MSRA: variants seen among roughly 807,000 people sequenced by gnomAD.
MSRA encodes mitochondrial peptide methionine sulfoxide reductase.
In MSRA, 54 loss-of-function variants were observed where a neutral mutation model predicts 31.3. That is an observed-to-expected ratio of 1.73 (90% CI 1.39 to 2.17). The LOEUF (loss-of-function observed/expected upper bound fraction) is 2.17, where lower values mean the gene tolerates loss of function less well. Among genes scored for constraint, MSRA ranks in the 30% most tolerant of loss-of-function variants. MSRA has a pLI of 0.00. For synonymous variants in MSRA, 169 were observed against 116.5 expected, an observed-to-expected ratio of 1.45 and a Z score of -2.90; for missense variants, 507 against 300.9, an observed-to-expected ratio of 1.69 and a Z score of -5.07.
At chr8:10,347,740 C>T (rs990933963) in intron 5 of MSRA, among the ~76,000 whole-genome samples, 9 of 152,202 alleles carry the variant, frequency 5.9e-5, no homozygotes, top group Admixed American at 3.9e-4. Context: ...GAAATAATCC[C>T]GTCCATAGTG....
At chr8:10,289,695 TATC>T (rs1201376667) in intron 3 of MSRA, among the ~76,000 whole-genome samples, 8 of 152,306 alleles carry the variant, frequency 5.3e-5, no homozygotes, top group East Asian at 3.9e-4. Flanking sequence ...CCCCTTCTAT[TATC>T]ATGCTCGTAG....
At chr8:10,273,887 A>G (rs1799176498) in intron 3 of MSRA, among the ~76,000 whole-genome samples, 1 of 152,114 alleles carries the variant, frequency 6.6e-6, no homozygotes, top group Non-Finnish European at 1.5e-5. Context: ...GCACCTTCCT[A>G]TCTGCGGATG....
chr8:10,417,393 G>A (rs1460588098), intron 5 of MSRA, among the ~76,000 whole-genome samples: 1 of 147,990 alleles, frequency 6.8e-6, no homozygotes, highest in Non-Finnish European at 1.5e-5. Flanking sequence ...TGGTGTTGAA[G>A]AGAAGCACTC....
chr8:10,312,422 A>G (rs1369612616), intron 4 of MSRA, among the ~76,000 whole-genome samples: 1 of 152,260 alleles, frequency 6.6e-6, no homozygotes, highest in Non-Finnish European at 1.5e-5. Context: ...CATTCTTTAA[A>G]AATATAGTTT....
At chr8:10,190,340 G>C (rs966124193) in intron 1 of MSRA, among the ~76,000 whole-genome samples, 1 of 152,184 alleles carries the variant, frequency 6.6e-6, no homozygotes, top group African/African-American at 2.4e-5. Flanking sequence ...GCCCCTGCCT[G>C]TGCCGCTTCT....
chr8:10,237,539 T>C (rs12680355), intron 2 of MSRA, among the ~76,000 whole-genome samples: 27,048 of 152,172 alleles, frequency 0.18, 2,728 homozygotes, highest in East Asian at 0.43. Context: ...CAAGCTGATA[T>C]TAAAGCTGAA....
chr8:10,158,048 A>T (rs751411587), intron 1 of MSRA, among the ~76,000 whole-genome samples: 1 of 152,180 alleles, frequency 6.6e-6, no homozygotes, highest in Admixed American at 6.5e-5. Flanking sequence ...TTGGTGTCTG[A>T]TGAGGGCACA....
At chr8:10,268,056 C>G (rs34514972) in intron 3 of MSRA, among the ~76,000 whole-genome samples, 29,104 of 152,144 alleles carry the variant, frequency 0.19, 3,684 homozygotes, top group Non-Finnish European at 0.29. Context: ...TCTTCAGGGC[C>G]AAGACCTGTA....
At chr8:10,181,826 G>C (rs971470259) in intron 1 of MSRA, among the ~76,000 whole-genome samples, 3 of 152,198 alleles carry the variant, frequency 2.0e-5, no homozygotes, top group Non-Finnish European at 4.4e-5. Flanking sequence ...TAGTGCTCTG[G>C]AGACCTCACT....
intron 1 of MSRA, among the ~76,000 whole-genome samples, chr8:10,113,036 C>A (rs1398180284): frequency 6.6e-6 from 1 of 152,162 alleles, no homozygotes; most frequent in African/African-American, 2.4e-5. Context: ...TGCATATTCT[C>A]TGTCTGCAGC....
At chr8:10,283,429 T>G (rs1444384441) in intron 3 of MSRA, among the ~76,000 whole-genome samples, 1 of 152,002 alleles carries the variant, frequency 6.6e-6, no homozygotes, top group East Asian at 1.9e-4. Context: ...TCTACTGCTT[T>G]TCTTTTTTAA....
At chr8:10,060,796 TATTC>T (rs1413897889) in intron 1 of MSRA, among the ~76,000 whole-genome samples, 1 of 152,236 alleles carries the variant, frequency 6.6e-6, no homozygotes, top group African/African-American at 2.4e-5. Context: ...ATTTCATAAA[TATTC>T]ATTTTTATTG....
At chr8:10,106,533 T>A (rs543140634) in intron 1 of MSRA, among the ~76,000 whole-genome samples, 15 of 152,314 alleles carry the variant, frequency 9.8e-5, no homozygotes, top group Non-Finnish European at 1.5e-4. Flanking sequence ...GTTATCTAAG[T>A]CAGTGCAACT....
chr8:10,075,127 A>G (rs145743405), intron 1 of MSRA, among the ~76,000 whole-genome samples: 1 of 152,280 alleles, frequency 6.6e-6, no homozygotes, highest in African/African-American at 2.4e-5. Context: ...TAAGTTTATA[A>G]TAGTGATTAT....
At chr8:10,317,797 T>A (rs1451550278) in intron 4 of MSRA, among the ~76,000 whole-genome samples, 1 of 152,178 alleles carries the variant, frequency 6.6e-6, no homozygotes, top group Non-Finnish European at 1.5e-5. Context: ...GCAACACTTG[T>A]TGCATCTGTG....
intron 1 of MSRA, among the ~76,000 whole-genome samples, chr8:10,080,649 C>T (rs983642397): frequency 1.3e-5 from 2 of 151,780 alleles, no homozygotes; most frequent in Non-Finnish European, 2.9e-5. Context: ...ACTCAGCCTC[C>T]TTAGTGGCTG....
chr8:10,067,874 G>GTTTTTTTTTTT (rs71203303), intron 1 of MSRA, among the ~76,000 whole-genome samples: 1 of 49,368 alleles, frequency 2.0e-5, no homozygotes, highest in Non-Finnish European at 4.2e-5. Context: ...TTCTTACTGA[G>GTTTTTTTTTTT]TTTTTTTTTT....
intron 1 of MSRA, among the ~76,000 whole-genome samples, chr8:10,109,648 C>T (rs559281434): frequency 1.0e-3 from 159 of 152,230 alleles, no homozygotes; most frequent in Middle Eastern, 3.4e-3. Flanking sequence ...AGTCTTTTTT[C>T]TTATGATGTA....
chr8:10,186,796 G>C (rs1035783295), intron 1 of MSRA, among the ~76,000 whole-genome samples: 1 of 152,142 alleles, frequency 6.6e-6, no homozygotes, highest in Non-Finnish European at 1.5e-5. Context: ...TAGTCCTGCC[G>C]TGCTGCTATT....
Sources: allele counts gnomAD v4.1 joint callset (sites outside exome capture counted in the v4.1 genomes callset), GRCh38; gene constraint gnomAD v4.1.1; transcripts MANE v1.5; gene names NCBI Gene and HGNC (gene_info 2026-07-23, HGNC 2026-07-21).